The following SCAMP1 variants were observed in gnomAD, a reference collection of about 807,000 sequenced individuals.
The protein encoded by SCAMP1 is secretory carrier membrane protein 1.
A neutral mutation model predicts 41.8 loss-of-function variants in SCAMP1; 15 were observed. The observed-to-expected ratio is 0.36, with a 90% confidence interval of 0.24 to 0.55. The LOEUF is 0.55. Among genes scored for constraint, SCAMP1 ranks in the 20% least tolerant of loss-of-function variants. The pLI is 0.86. For missense variants in SCAMP1, 341 were observed against 412.6 expected, an observed-to-expected ratio of 0.83 and a Z score of 1.50; for synonymous variants, 135 against 136.8, an observed-to-expected ratio of 0.99 and a Z score of 0.09.
intron 1 of SCAMP1, among the ~76,000 whole-genome samples, chr5:78,369,881 G>A (rs1357351758): frequency 1.3e-5 from 2 of 152,194 alleles, no homozygotes; most frequent in Non-Finnish European, 2.9e-5. Context: ...ATGTCCTCTA[G>A]GGTGTGACTT....
intron 2 of SCAMP1, among the ~76,000 whole-genome samples, chr5:78,403,411 T>TAC (rs911124216): frequency 2.6e-4 from 39 of 152,280 alleles, no homozygotes; most frequent in Non-Finnish European, 1.5e-5. Context: ...TGTATATATA[T>TAC]ACACACACAA....
intron 1 of SCAMP1, among the ~76,000 whole-genome samples, chr5:78,372,847 AAAT>A (rs1426156980): frequency 6.6e-6 from 1 of 152,144 alleles, no homozygotes; most frequent in Non-Finnish European, 1.5e-5. Context: ...GGGGTAAAAT[AAAT>A]AATAATTACA....
rs1296359668 is a variant in SCAMP1, at chr5:78,388,871, C to T, written c.92C>T (p.Pro31Leu). The T allele has an allele frequency of 1.3e-6, 2 of 1,563,134 alleles. No individual in the cohort carries two copies. The highest frequency in any genetic ancestry group is 1.4e-5 in the African/African-American group (1 of 73,902). ...PSVTQVTRNV[P>L]PGLDEYNPFS... ...GTTACACAAGTGACAAGAAATGTTC[C>T]ACCAGGACTTGATGAATATAATCCA... The change falls in exon 2 of 9, where the codon CCA becomes CTA. Residue 31 changes from proline to leucine, a missense_variant. By Grantham distance (98) the Pro-to-Leu change is moderately conservative (BLOSUM62 -3). Transcript: ENST00000621999.
At chr5:78,431,079 C>T (rs1752608686) in intron 6 of SCAMP1, among the ~76,000 whole-genome samples, 1 of 151,428 alleles carries the variant, frequency 6.6e-6, no homozygotes, top group African/African-American at 2.4e-5. Flanking sequence ...AAGCAGATTT[C>T]TTCATTTTCA....
chr5:78,408,671 G>T (rs1561264149), intron 2 of SCAMP1, among the ~76,000 whole-genome samples: 1 of 152,108 alleles, frequency 6.6e-6, no homozygotes, highest in Non-Finnish European at 1.5e-5. Context: ...CATGATCTTG[G>T]CTCGTTACAA....
At position 78,476,624 on chromosome 5, in the gene SCAMP1, G is replaced by A. The variant is rs1441101622; in HGVS notation, c.*956G>A. ...GTGATTTTTAACAGAGGTATTAAAG[G>A]CTAGCCTAACTGTTGTCTAAAAAGA... On this transcript the variant is annotated 3_prime_UTR_variant, in exon 9 of 9. Coordinates refer to ENST00000621999, the MANE Select transcript of SCAMP1 (RefSeq NM_004866.6). 3.3e-5 allele frequency: 5 copies of A among 152,374 alleles called. No individual in the cohort carries two copies. The highest frequency in any genetic ancestry group is 7.4e-5 in the Non-Finnish European group (5 of 67,948). The allele number at this position is 152,374 out of a possible 1,614,324, so 9.4% of individuals were successfully genotyped here. A position where few individuals can be genotyped will look rare whatever the true frequency, so the allele number is the denominator to read the frequency against.
intron 1 of SCAMP1, among the ~76,000 whole-genome samples, chr5:78,379,537 T>G (rs114001095): frequency 7.1e-4 from 108 of 152,326 alleles, no homozygotes; most frequent in African/African-American, 2.5e-3. Flanking sequence ...TCAGTTCACT[T>G]GAGAAAATGA....
intron 6 of SCAMP1, 43 bp from the exon 7 acceptor site, chr5:78,449,890 C>T (rs1753173819): frequency 3.7e-6 from 4 of 1,072,530 alleles, no homozygotes; most frequent in African/African-American, 1.7e-5. Context: ...TCTTTCTCTC[C>T]CCCTAACCCC....
intron 1 of SCAMP1, among the ~76,000 whole-genome samples, chr5:78,361,438 T>C (rs973110059): frequency 6.6e-6 from 1 of 152,066 alleles, no homozygotes; most frequent in East Asian, 1.9e-4. Context: ...AGGTAAACGA[T>C]GGGATATTTT....
At chr5:78,378,581 T>C in intron 1 of SCAMP1, among the ~76,000 whole-genome samples, 1 of 152,224 alleles carries the variant, frequency 6.6e-6, no homozygotes. Context: ...GGAAAAACAT[T>C]TGTTTTCATA....
At chr5:78,406,939 C>G (rs1413683842) in intron 2 of SCAMP1, among the ~76,000 whole-genome samples, 1 of 152,194 alleles carries the variant, frequency 6.6e-6, no homozygotes, top group Non-Finnish European at 1.5e-5. Flanking sequence ...ACTCTGCACA[C>G]TCTGCTTTTC....
At chr5:78,446,876 A>G (rs1231804281) in intron 6 of SCAMP1, among the ~76,000 whole-genome samples, 4 of 152,042 alleles carry the variant, frequency 2.6e-5, no homozygotes, top group African/African-American at 9.7e-5. Flanking sequence ...TTTGTGACTC[A>G]GGGGAAATGG....
intron 1 of SCAMP1, among the ~76,000 whole-genome samples, chr5:78,384,451 T>C (rs1312683607): frequency 1.3e-5 from 2 of 152,144 alleles, no homozygotes; most frequent in Non-Finnish European, 2.9e-5. Flanking sequence ...TTTGTTTCTT[T>C]TTCTTGTCTA....
intron 1 of SCAMP1, among the ~76,000 whole-genome samples, chr5:78,385,336 CT>C (rs1422934220): frequency 3.3e-5 from 5 of 152,038 alleles, no homozygotes; most frequent in Non-Finnish European, 7.4e-5. Flanking sequence ...GATCTTTTCT[CT>C]TTTTTTCTTG....
intron 2 of SCAMP1, 42 bp from the exon 3 acceptor site, chr5:78,415,478 G>C: frequency 8.3e-7 from 1 of 1,198,420 alleles, no homozygotes; most frequent in Middle Eastern, 1.9e-4. Context: ...GTTAAAGTTG[G>C]ATCTCTGTGT....
intron 6 of SCAMP1, among the ~76,000 whole-genome samples, chr5:78,423,488 A>G (rs1158432807): frequency 1.3e-5 from 2 of 152,118 alleles, no homozygotes; most frequent in Non-Finnish European, 2.9e-5. Context: ...CCTCCATCAC[A>G]TTACCAATAT....
At chr5:78,377,131 G>C (rs1751084971) in intron 1 of SCAMP1, among the ~76,000 whole-genome samples, 1 of 151,964 alleles carries the variant, frequency 6.6e-6, no homozygotes, top group Non-Finnish European at 1.5e-5. Context: ...AGGCCCTTCT[G>C]ATGATCTGCA....
At chr5:78,457,206 A>G (rs1304626833) in intron 7 of SCAMP1, among the ~76,000 whole-genome samples, 1 of 152,128 alleles carries the variant, frequency 6.6e-6, no homozygotes, top group Non-Finnish European at 1.5e-5. Flanking sequence ...TTCTCCATCC[A>G]GCTTTGTTCC....
At chr5:78,382,776 GGTGTGTGT>G (rs61523492) in intron 1 of SCAMP1, among the ~76,000 whole-genome samples, 30,037 of 130,148 alleles carry the variant, frequency 0.23, 3,665 homozygotes, top group East Asian at 0.51. Context: ...AGTATTCCAT[GGTGTGTGT>G]GTGTGTGTGT....
Sources: gnomAD v4.1 joint callset for allele counts (sites outside exome capture counted in the v4.1 genomes callset) on GRCh38, gnomAD v4.1.1 for gene constraint, MANE v1.5 for transcripts, NCBI Gene and HGNC (gene_info 2026-07-23, HGNC 2026-07-21) for gene names.